Variants in FERMT1 observed in about 807,000 individuals in gnomAD.
The protein encoded by FERMT1 is fermitin family homolog 1.
In FERMT1, 60 loss-of-function variants were observed where a neutral mutation model predicts 85.3. The ratio of observed to expected loss-of-function variants is 0.70; its 90% CI spans 0.57 to 0.87. The LOEUF is 0.87. FERMT1 is among the 40% of genes least tolerant of loss of function. The pLI is 0.00. For synonymous variants in FERMT1, 275 were observed against 301.1 expected, an observed-to-expected ratio of 0.91 and a Z score of 0.90; for missense variants, 701 against 818.9, an observed-to-expected ratio of 0.86 and a Z score of 1.76.
At chr20:6,091,893 G>C (rs717484) in intron 9 of FERMT1, among the ~76,000 whole-genome samples, 45,909 of 151,702 alleles carry the variant, frequency 0.3, 7,096 homozygotes, top group South Asian at 0.47. Context: ...GGTGAATGAC[G>C]TGCATAAGAA....
chr20:6,087,381 G>C (rs901684637), intron 11 of FERMT1, among the ~76,000 whole-genome samples: 6 of 152,144 alleles, frequency 3.9e-5, no homozygotes, highest in African/African-American at 1.4e-4. Flanking sequence ...TGCCATCTTG[G>C]CTCACTGCAA....
chr20:6,097,090 A>G lies in FERMT1; in HGVS notation c.958-57T>C, dbSNP rs1376783582. 2.8e-6 allele frequency: 4 copies of G among 1,427,916 alleles called. No homozygotes were observed. The African/African-American group carries it at 5.5e-5, about 20-fold the overall frequency. 88.5% of individuals were successfully genotyped at this position (1,427,916 alleles called of 1,614,324 possible). On this transcript the variant is annotated intron_variant, in intron 7 of 14. Coordinates refer to ENST00000217289, the MANE Select transcript of FERMT1 (RefSeq NM_017671.5). The stretch of plus-strand genomic sequence containing the variant: ...ATAAACAGAAATGTTATAAATATAA[A>G]TGAATCCATTAGCCATTTTTTTCTT...
intron 8 of FERMT1, among the ~76,000 whole-genome samples, chr20:6,095,804 G>A (rs959285439): frequency 2.0e-5 from 3 of 152,328 alleles, no homozygotes; most frequent in Admixed American, 6.5e-5. Context: ...ATTTGCTCCT[G>A]AATGAGACCA....
At chr20:6,102,141 C>A (rs1342291564) in intron 6 of FERMT1, among the ~76,000 whole-genome samples, 2 of 152,066 alleles carry the variant, frequency 1.3e-5, no homozygotes, top group Non-Finnish European at 2.9e-5. Context: ...AATACTCCTG[C>A]CTCAGCCTCC....
rs148022730 is a variant in FERMT1, at chr20:6,096,954, G to A, written c.1037C>T (p.Ala346Val). 6.8e-6 allele frequency: 11 copies of A among 1,613,772 alleles called. No homozygotes were observed. The highest frequency in any genetic ancestry group is 1.7e-5 in the Admixed American group (1 of 59,966). The change falls in exon 8 of 15, where the codon GCG (alanine) becomes GTG (valine). Residue 346 changes from alanine to valine, a missense_variant. By Grantham distance (64) the Ala-to-Val change is moderately conservative. Transcript: ENST00000217289. ...GESEVDEIEA[A>V]LSNLEVTLEG... ...TAGGGTTACTTCCAAATTAGAAAGC[G>A]CCGCTTCTATTTCATCAACCTCGGA...
intron 9 of FERMT1, among the ~76,000 whole-genome samples, chr20:6,092,716 C>T (rs1181959579): frequency 1.3e-5 from 2 of 152,302 alleles, no homozygotes; most frequent in Non-Finnish European, 2.9e-5. Context: ...AGCCTTTGCT[C>T]ATTTCCACCT....
At position 6,085,247 on chromosome 20, in the gene FERMT1, GC is replaced by G; in HGVS notation, c.1411del (p.Ala471HisfsTer23). On this transcript the variant is annotated frameshift_variant, in exon 12 of 15. Transcript: ENST00000217289. LOFTEE classifies it high-confidence loss of function. ...GTCTGCCATGGTTTTGCCCTTCGAT[GC>G]CAACATGCAGGCAGCCATCCATTGG... ...YAQWMAACMLASKGKTMADSS... is the reference protein window; with the variant it reads ...YAQWMAACMLXSKGKTMADSS... 1 of 1,614,068 alleles carries G rather than the reference GC, an allele frequency of 6.2e-7. No homozygotes were observed. Among genetic ancestry groups the G allele is most frequent in the Non-Finnish European group, 8.5e-7 (1 of 1,180,032 alleles).
At chr20:6,119,041 G>A (rs553803327) in intron 2 of FERMT1, among the ~76,000 whole-genome samples, 15 of 151,784 alleles carry the variant, frequency 9.9e-5, no homozygotes, top group African/African-American at 3.1e-4. Flanking sequence ...CCCGCCTCCC[G>A]GGTTCAAGCG....
chr20:6,099,608 G>T (rs193179245), intron 6 of FERMT1, among the ~76,000 whole-genome samples: 47 of 152,212 alleles, frequency 3.1e-4, no homozygotes, highest in Admixed American at 2.8e-3. Context: ...AGGCAATGGA[G>T]AATTATTGTT....
Position 6,076,351 on chromosome 20 carries a change from C to A in FERMT1, c.*822G>T. On this transcript the variant is annotated 3_prime_UTR_variant, in exon 15 of 15. Transcript: ENST00000217289. ...CTGTGCCTGTCTTCCTGAATCCCAA[C>A]CCAGAGTAGAAGCAGTGGAGACATG... The A allele has an allele frequency of 2.2e-6, 1 of 461,068 alleles. No individual in the cohort carries two copies. Among genetic ancestry groups the A allele is most frequent in the Non-Finnish European group, 4.3e-6 (1 of 229,988 alleles). The allele number at this position is 461,068 out of a possible 1,614,324, so 28.6% of individuals were successfully genotyped here.
chr20:6,082,862 G>A (rs6107758), intron 13 of FERMT1, among the ~76,000 whole-genome samples: 4,209 of 151,976 alleles, frequency 0.028, 110 homozygotes, highest in Middle Eastern at 0.061. Flanking sequence ...GTTTTGCTAC[G>A]TTGCCCAGAG....
rs564032419 is a variant in FERMT1, at chr20:6,104,597, G to A, written c.849+2935C>T. 1.3e-5 allele frequency among the ~76,000 whole-genome samples: 2 copies of A among 152,126 alleles called. No homozygotes were observed. The highest frequency in any genetic ancestry group is 4.2e-4 in the South Asian group (2 of 4,816). ...TCCTGAGTCTTCCTGTCACCTTTGG[G>A]TTGACAGTTTCTGTGTGGCTGTTAG... On this transcript the variant is annotated intron_variant, in intron 6 of 14. Coordinates refer to ENST00000217289, the MANE Select transcript of FERMT1 (RefSeq NM_017671.5). The surrounding 1 kb of genome is among the most constrained non-coding windows in gnomAD (Gnocchi z 4.2).
At chr20:6,092,569 G>A (rs2123112264) in intron 9 of FERMT1, among the ~76,000 whole-genome samples, 1 of 152,180 alleles carries the variant, frequency 6.6e-6, no homozygotes, top group African/African-American at 2.4e-5. Context: ...ATCTACATCT[G>A]TGTGTGACAC....
intron 8 of FERMT1, among the ~76,000 whole-genome samples, chr20:6,096,247 C>G (rs745545841): frequency 6.6e-6 from 1 of 152,098 alleles, no homozygotes; most frequent in Admixed American, 6.6e-5. Flanking sequence ...TTTTCTTGGC[C>G]GGTCACAGTG....
chr20:6,101,975 ATTAAT>A (rs1301072710), intron 6 of FERMT1, among the ~76,000 whole-genome samples: 1 of 152,094 alleles, frequency 6.6e-6, no homozygotes, highest in Admixed American at 6.6e-5. Context: ...GTTTTAAAAA[ATTAAT>A]TTAATTGTGG....
At chr20:6,100,124 G>T (rs537818005) in intron 6 of FERMT1, among the ~76,000 whole-genome samples, 1 of 151,832 alleles carries the variant, frequency 6.6e-6, no homozygotes, top group Non-Finnish European at 1.5e-5. Flanking sequence ...AAAAGTCAAA[G>T]AAAAAATCCC....
intron 2 of FERMT1, among the ~76,000 whole-genome samples, chr20:6,117,879 C>T (rs1318752946): frequency 3.3e-5 from 5 of 151,936 alleles, no homozygotes; most frequent in Admixed American, 6.6e-5. Flanking sequence ...CCAGGCTGGT[C>T]TTGAACTCCT....
chr20:6,105,472 A>G (rs1982773119), intron 6 of FERMT1, among the ~76,000 whole-genome samples: 1 of 152,246 alleles, frequency 6.6e-6, no homozygotes, highest in Non-Finnish European at 1.5e-5. Flanking sequence ...TGTGACCACC[A>G]GAATCAAGAT....
intron 2 of FERMT1, among the ~76,000 whole-genome samples, chr20:6,116,433 A>T (rs117103253): frequency 0.075 from 11,378 of 152,132 alleles, 984 homozygotes; most frequent in East Asian, 0.46. Context: ...AAAAAGAAAA[A>T]GAAAAAATAA....
Sources: allele counts gnomAD v4.1 joint callset (sites outside exome capture counted in the v4.1 genomes callset), GRCh38; gene constraint gnomAD v4.1.1; non-coding constraint Gnocchi (gnomAD v3.1); transcripts MANE v1.5; gene names NCBI Gene and HGNC (gene_info 2026-07-23, HGNC 2026-07-21).